The following NOS1AP variants were observed in gnomAD, a reference collection of about 807,000 sequenced individuals.
NOS1AP encodes carboxyl-terminal PDZ ligand of neuronal nitric oxide synthase protein.
In NOS1AP, 21 loss-of-function variants were observed where a neutral mutation model predicts 56.2. The ratio of observed to expected loss-of-function variants is 0.37; its 90% CI spans 0.26 to 0.54. The LOEUF is 0.54. Ranked by LOEUF, NOS1AP falls within the 20% of genes least tolerant of loss-of-function variation. The probability of loss-of-function intolerance (pLI) is 0.84; values close to 1 mark genes in which losing one functional copy is unlikely to be tolerated. For missense variants in NOS1AP, 522 were observed against 657.8 expected (o/e 0.79, Z 2.26); for synonymous variants, 270 against 274.6 (o/e 0.98, Z 0.17).
chr1:162,232,031 A>T (rs139305153), intron 2 of NOS1AP, among the ~76,000 whole-genome samples: 1 of 152,218 alleles, frequency 6.6e-6, no homozygotes, highest in African/African-American at 2.4e-5. Context: ...ATCCACATAA[A>T]GTTTATGCTC....
At chr1:162,291,823 A>C (rs1367553562) in intron 3 of NOS1AP, among the ~76,000 whole-genome samples, 1 of 152,186 alleles carries the variant, frequency 6.6e-6, no homozygotes, top group Non-Finnish European at 1.5e-5. Flanking sequence ...CAACCAGTAC[A>C]TTTTCTTCAA....
At chr1:162,070,582 C>T (rs1041564889) in intron 1 of NOS1AP, among the ~76,000 whole-genome samples, 4 of 152,196 alleles carry the variant, frequency 2.6e-5, no homozygotes, top group Admixed American at 2.6e-4. Context: ...ATCCCTCCTC[C>T]AGAGGAGAAG....
intron 1 of NOS1AP, among the ~76,000 whole-genome samples, chr1:162,118,041 G>T (rs919820019): frequency 6.6e-6 from 1 of 152,226 alleles, no homozygotes. Flanking sequence ...ACGTTGTTAT[G>T]AGAAGATACA....
rs141683085 is a variant in NOS1AP at position 162,367,368 on chromosome 1, G to A, written c.1422G>A (p.Glu474=). 1.4e-4 allele frequency: 221 copies of A among 1,611,366 alleles called. No individual in the cohort carries two copies. In the African/African-American group the frequency reaches 2.4e-3, roughly 17 times the overall value. Residue 474 remains glutamate (E), a synonymous_variant, in exon 10 of 10, where the codon GAG becomes GAA. Transcript: ENST00000361897. The surrounding 1 kb of genome is among the most constrained non-coding windows in gnomAD (Gnocchi z 6.5). ...ACGAGTCCAACACGGACGAGAGCGA[G>A]GAGCGCGACTCGTGGTCCCAGGAGG... ...SEYESNTDES[E]ERDSWSQEEL...
At chr1:162,114,551 C>G (rs1038749000) in intron 1 of NOS1AP, among the ~76,000 whole-genome samples, 2 of 152,106 alleles carry the variant, frequency 1.3e-5, no homozygotes, top group East Asian at 3.9e-4. Flanking sequence ...GTTTGGATAA[C>G]CAGGGACTGT....
At chr1:162,121,226 A>C (rs561244515) in intron 1 of NOS1AP, among the ~76,000 whole-genome samples, 2 of 149,240 alleles carry the variant, frequency 1.3e-5, no homozygotes, top group Admixed American at 1.4e-4. Flanking sequence ...GATCAAGTGT[A>C]GTGGCACGAT....
At chr1:162,104,390 G>A (rs1278658391) in intron 1 of NOS1AP, among the ~76,000 whole-genome samples, 4 of 152,078 alleles carry the variant, frequency 2.6e-5, no homozygotes, top group African/African-American at 4.8e-5. Context: ...GTGTCTTGGG[G>A]TTGATCTTCT....
intron 6 of NOS1AP, among the ~76,000 whole-genome samples, chr1:162,352,259 A>G (rs933087911): frequency 6.6e-5 from 10 of 152,090 alleles, no homozygotes; most frequent in African/African-American, 1.9e-4. Flanking sequence ...GGGTTTCACC[A>G]TGTTGGCCAG....
chr1:162,365,597 T>A, intron 9 of NOS1AP, 28 bp downstream of exon 9: 1 of 1,605,248 alleles, frequency 6.2e-7, no homozygotes, highest in South Asian at 1.1e-5. Flanking sequence ...CCAGCCCTGC[T>A]TCCTCTGTGA....
intron 2 of NOS1AP, among the ~76,000 whole-genome samples, chr1:162,245,099 T>A (rs1349939843): frequency 6.6e-6 from 1 of 152,210 alleles, no homozygotes; most frequent in African/African-American, 2.4e-5. Context: ...TAGGATATTT[T>A]GTTTTTAATT....
At chr1:162,202,020 C>T (rs956647951) in intron 2 of NOS1AP, among the ~76,000 whole-genome samples, 8 of 152,014 alleles carry the variant, frequency 5.3e-5, no homozygotes, top group Admixed American at 3.3e-4. Flanking sequence ...GGTGGAGAAA[C>T]GGATTTTAAT....
At chr1:162,315,860 T>C (rs991117987) in intron 4 of NOS1AP, among the ~76,000 whole-genome samples, 1 of 152,230 alleles carries the variant, frequency 6.6e-6, no homozygotes, top group Admixed American at 6.5e-5. Context: ...CTAATTAAGG[T>C]TTGTCCTTTG....
chr1:162,259,394 C>T (rs1422012014), intron 2 of NOS1AP, among the ~76,000 whole-genome samples: 1 of 152,074 alleles, frequency 6.6e-6, no homozygotes, highest in East Asian at 1.9e-4. Context: ...TATTAGGATG[C>T]TTGCTAGTGT....
chr1:162,161,015 A>C (rs55646278), intron 2 of NOS1AP, among the ~76,000 whole-genome samples: 21,273 of 151,972 alleles, frequency 0.14, 1,788 homozygotes, highest in East Asian at 0.4. Context: ...TTCCATCCTT[A>C]GTGCTGGCAA....
chr1:162,363,215 C>G (rs1307694529), intron 8 of NOS1AP: 2 of 152,542 alleles, frequency 1.3e-5, no homozygotes, highest in Admixed American at 1.3e-4. Flanking sequence ...AATTGGTGTT[C>G]CCACTACCCT....
At chr1:162,197,963 A>G (rs901600985) in intron 2 of NOS1AP, among the ~76,000 whole-genome samples, 4 of 152,234 alleles carry the variant, frequency 2.6e-5, no homozygotes, top group Non-Finnish European at 5.9e-5. Context: ...AGGAGGGCAG[A>G]TGGCTCCACC....
chr1:162,190,791 G>A (rs945026417), intron 2 of NOS1AP, among the ~76,000 whole-genome samples: 2 of 152,144 alleles, frequency 1.3e-5, no homozygotes, highest in East Asian at 1.9e-4. Context: ...TCTAGGACCC[G>A]CTGTTCTGCT....
At chr1:162,121,397 G>T (rs1220742260) in intron 1 of NOS1AP, among the ~76,000 whole-genome samples, 1 of 152,062 alleles carries the variant, frequency 6.6e-6, no homozygotes, top group East Asian at 1.9e-4. Flanking sequence ...GGGGTTACAG[G>T]TGTGAGTCAC....
chr1:162,132,528 T>C (rs1648798449), intron 1 of NOS1AP, among the ~76,000 whole-genome samples: 1 of 152,238 alleles, frequency 6.6e-6, no homozygotes, highest in Non-Finnish European at 1.5e-5. Flanking sequence ...CACAGGAGAA[T>C]TGCCTTTGGA....
Sources: allele counts gnomAD v4.1 joint callset (sites outside exome capture counted in the v4.1 genomes callset), GRCh38; gene constraint gnomAD v4.1.1; non-coding constraint Gnocchi (gnomAD v3.1); transcripts MANE v1.5; gene names NCBI Gene and HGNC (gene_info 2026-07-23, HGNC 2026-07-21).